Variants in GH1 observed in about 807,000 individuals in gnomAD.
GH1 encodes the protein growth hormone 1.
In GH1, 13 loss-of-function variants were observed where a neutral mutation model predicts 24.5. That is an observed-to-expected ratio of 0.53 (90% CI 0.35 to 0.85). GH1 has a LOEUF of 0.85. GH1 is among the 40% of genes least tolerant of loss of function. The probability of loss-of-function intolerance (pLI) is 0.01; values close to 1 mark genes in which losing one functional copy is unlikely to be tolerated. For synonymous variants in GH1, 126 were observed against 116.3 expected (o/e 1.08, Z -0.54); for missense variants, 294 against 273.2 (o/e 1.08, Z -0.54).
chr17:63,918,462 G>A lies in GH1; in HGVS notation c.55C>T (p.Pro19Ser), dbSNP rs376449159. 1.6e-4 allele frequency: 252 copies of A among 1,614,184 alleles called. No individual in the cohort carries two copies. The highest frequency in any genetic ancestry group is 3.3e-4 in the Middle Eastern group (2 of 6,062). ...LLLAFGLLCL[P>S]WLQEGSAFPT... Reference sequence around the variant, plus strand: ...AAGGCACTGCCCTCTTGAAGCCAGGGCAGGCAGAGCAGGCCAAAAGCCAGG... The same window carrying A: ...AAGGCACTGCCCTCTTGAAGCCAGGACAGGCAGAGCAGGCCAAAAGCCAGG... Residue 19 changes from proline to serine, a missense_variant, in exon 2 of 5, where the codon CCC (proline) becomes TCC (serine). Physicochemically the swap from Pro to Ser is moderately conservative, Grantham distance 74. Coordinates refer to ENST00000323322, the MANE Select transcript of GH1 (RefSeq NM_000515.5).
rs71640281 is a variant in GH1, at chr17:63,917,574, T to C, written c.457-68A>G. ...ACTGTTCCCTCCCTTTCTCATTCAT[T>C]CATTTTCCTCCCTCCCCTTCAGGGT... On this transcript the variant is annotated intron_variant, in intron 4 of 4. Transcript: ENST00000323322. 2,971 of 1,613,902 alleles carry C rather than the reference T, an allele frequency of 1.8e-3. 6 individuals are homozygous for C. Among genetic ancestry groups the C allele is most frequent in the African/African-American group, 8.4e-3 (631 of 75,014 alleles).
rs748188371 is a variant in GH1 at position 63,917,847 on chromosome 17, G to T, written c.369C>A (p.Phe123Leu). Residue 123 changes from phenylalanine to leucine, a missense_variant, in exon 4 of 5, where the codon TTC (phenylalanine) becomes TTA (leucine). Phe to Leu is a conservative substitution (Grantham distance 22). Coordinates refer to ENST00000323322, the MANE Select transcript of GH1 (RefSeq NM_000515.5). ...LEPVQFLRSV[F>L]ANSLVYGASD... ...AGGCGCCGTACACCAGGCTGTTGGC[G>T]AAGACACTCCTGAGGAACTGCACGG... is the stretch of plus-strand genomic sequence containing the variant. 1.2e-6 allele frequency: 2 copies of T among 1,614,066 alleles called. No homozygotes were observed. The highest frequency in any genetic ancestry group is 1.7e-6 in the Non-Finnish European group (2 of 1,180,038).
Position 63,917,871 on chromosome 17 carries a change from G to A in GH1, c.345C>T (p.Pro115=), listed in dbSNP as rs144610881. 4.3e-5 allele frequency: 69 copies of A among 1,614,178 alleles called. 1 individual carries two copies. The highest frequency in any genetic ancestry group is 1.5e-4 in the African/African-American group (11 of 75,038). The change falls in exon 4 of 5, where the codon CCC becomes CCT. Residue 115 remains proline, a synonymous_variant. Transcript: ENST00000323322. The part of the protein sequence containing the change: ...SLLLIQSWLE[P]VQFLRSVFAN... ...CGAAGACACTCCTGAGGAACTGCACGGGCTCCAGCCACGACTGGATGAGCA... is the reference window on the plus strand; with the variant it reads ...CGAAGACACTCCTGAGGAACTGCACAGGCTCCAGCCACGACTGGATGAGCA...
In GH1 at chr17:63,917,315, G is replaced by A. The variant is rs777326685; in HGVS notation, c.648C>T (p.Gly216=). Reference sequence around the variant, plus strand: ...AGGGATGCCACCCGGGCAGCTAGAAGCCACAGCTGCCCTCCACAGAGCGGC... The same window carrying A: ...AGGGATGCCACCCGGGCAGCTAGAAACCACAGCTGCCCTCCACAGAGCGGC... ...VQCRSVEGSC[G]F is the part of the protein sequence containing the mutation. The change falls in exon 5 of 5, where the codon GGC becomes GGT. Residue 216 remains glycine (G), a synonymous_variant. Transcript: ENST00000323322. 2.3e-5 allele frequency: 37 copies of A among 1,613,960 alleles called. No individual in the cohort carries two copies. The highest frequency in any genetic ancestry group is 3.0e-5 in the Non-Finnish European group (35 of 1,179,950).
rs695 is a variant in GH1, at chr17:63,918,839, T to A, written c.-63A>T. 157,422 of 1,609,998 alleles carry A rather than the reference T, an allele frequency of 0.098. 8,410 individuals carry two copies. The highest frequency in any genetic ancestry group is 0.13 in the African/African-American group (9,626 of 73,612). On this transcript the variant is annotated 5_prime_UTR_variant, in exon 1 of 5. Coordinates refer to ENST00000323322, the MANE Select transcript of GH1 (RefSeq NM_000515.5). Reference sequence around the variant, plus strand: ...TCGGGGAGTTGGGCCTTGGGATCCTTGAGCTGGTCTCTTGTGGGCCCTTTT... The same window carrying A: ...TCGGGGAGTTGGGCCTTGGGATCCTAGAGCTGGTCTCTTGTGGGCCCTTTT...
At position 63,918,237 on chromosome 17, in the gene GH1, C is replaced by T. The variant is rs116335275; in HGVS notation, c.172-101G>A. 711 of 1,612,038 alleles carry T rather than the reference C, an allele frequency of 4.4e-4. 4 individuals are homozygous for T. The African/African-American group carries it at 7.3e-3, about 17-fold the overall frequency. ...GCGTGTGCTCATCTGCCTGCATTTTCGCTTCGGGAAAAACCCTGAGCTCCT... is the reference window on the plus strand; with the variant it reads ...GCGTGTGCTCATCTGCCTGCATTTTTGCTTCGGGAAAAACCCTGAGCTCCT... On this transcript the variant is annotated intron_variant, in intron 2 of 4. Transcript: ENST00000323322.
rs770439032 is a variant in GH1 at position 63,917,378 on chromosome 17, G to C, written c.585C>G (p.Asp195Glu). ...NYGLLYCFRK[D>E]MDKVETFLRI... ...GCAGGAATGTCTCGACCTTGTCCAT[G>C]TCCTTCCTGAAGCAGTAGAGCAGCC... Residue 195 changes from aspartate (D) to glutamate (E), a missense_variant, in exon 5 of 5, where the codon GAC (aspartate) becomes GAG (glutamate). Asp to Glu is a conservative substitution (Grantham distance 45, BLOSUM62 2). Transcript: ENST00000323322. 1.2e-6 allele frequency: 2 copies of C among 1,613,982 alleles called. No individual in the cohort carries two copies. Among genetic ancestry groups the C allele is most frequent in the South Asian group, 1.1e-5 (1 of 91,070 alleles).
chr17:63,918,264 A>G, intron 2 of GH1, 82 bp downstream of exon 2: 1 of 1,609,670 alleles, frequency 6.2e-7, no homozygotes, highest in South Asian at 1.1e-5. Context: ...TGAGCTCCTT[A>G]GTCTCCTCCT....
At chr17:63,918,250 A>G (rs1907490753) in intron 2 of GH1, 96 bp downstream of exon 2, 10 of 1,610,332 alleles carry the variant, frequency 6.2e-6, no homozygotes, top group Non-Finnish European at 8.5e-6. Flanking sequence ...TTCGGGAAAA[A>G]CCCTGAGCTC....
intron 2 of GH1, 77 bp from the exon 3 acceptor site, chr17:63,918,213 C>A: frequency 1.2e-6 from 2 of 1,612,882 alleles, no homozygotes; most frequent in Non-Finnish European, 1.7e-6. Context: ...CCTCACTCAG[C>A]GTGTGCTCAT....
At position 63,917,828 on chromosome 17, in the gene GH1, C is replaced by G. The variant is rs201524858; in HGVS notation, c.388G>C (p.Gly130Arg). 2.5e-6 allele frequency: 4 copies of G among 1,614,036 alleles called. No homozygotes were observed. Among genetic ancestry groups the G allele is most frequent in the African/African-American group, 2.7e-5 (2 of 74,904 alleles). ...RSVFANSLVY[G>R]ASDSNVYDLL... ...TCATAGACGTTGCTGTCAGAGGCGC[C>G]GTACACCAGGCTGTTGGCGAAGACA... Residue 130 changes from glycine (G) to arginine (R), a missense_variant, in exon 4 of 5, where the codon GGC becomes CGC. Physicochemically the swap from Gly to Arg is moderately radical, Grantham distance 125. Coordinates refer to ENST00000323322, the MANE Select transcript of GH1 (RefSeq NM_000515.5).
At chr17:63,918,661 C>T (rs1342270095) in intron 1 of GH1, 106 bp downstream of exon 1, 4 of 1,610,852 alleles carry the variant, frequency 2.5e-6, no homozygotes, top group East Asian at 2.2e-5. Context: ...GCGATACTCA[C>T]ATTCAGAAGC....
In GH1 at chr17:63,918,088, G is replaced by A; in HGVS notation, c.220C>T (p.Pro74Ser). Residue 74 changes from proline (P) to serine (S), a missense_variant, in exon 3 of 5, where the codon CCC becomes TCC. Pro to Ser is a moderately conservative substitution (Grantham distance 74). Coordinates refer to ENST00000323322, the MANE Select transcript of GH1 (RefSeq NM_000515.5). ...TCTGAGAAACAGAGGGAGGTCTGGG[G>A]GTTCTGCAGGAATGAATACTTCTGT... is the stretch of plus-strand genomic sequence containing the variant. The part of the protein sequence containing the change: ...KEQKYSFLQN[P>S]QTSLCFSESI... 2 of 1,614,160 alleles carry A rather than the reference G, an allele frequency of 1.2e-6. No individual in the cohort carries two copies. Among genetic ancestry groups the A allele is most frequent in the Non-Finnish European group, 8.5e-7 (1 of 1,180,008 alleles).
intron 1 of GH1, 102 bp downstream of exon 1, chr17:63,918,665 C>A: frequency 6.2e-7 from 1 of 1,611,232 alleles, no homozygotes. Flanking sequence ...TACTCACATT[C>A]AGAAGCCCCA....
chr17:63,918,329 A>G lies in GH1; in HGVS notation c.171+17T>C, dbSNP rs767690676. On this transcript the variant is annotated intron_variant, in intron 2 of 4. Coordinates refer to ENST00000323322, the MANE Select transcript of GH1 (RefSeq NM_000515.5). ...TTCCTGCCACCCCTGATGCGCACCC[A>G]TTCCCCAAGAGCTTACAAACTCCTG... 7 of 1,613,922 alleles carry G rather than the reference A, an allele frequency of 4.3e-6. No homozygotes were observed. In the South Asian group the frequency reaches 5.5e-5, roughly 13 times the overall value.
rs1323974941 is a variant in GH1 at position 63,918,605 on chromosome 17, AG to A, written c.11-100del. The A allele has an allele frequency of 6.8e-6, 11 of 1,609,994 alleles. No individual in the cohort carries two copies. The African/African-American group carries it at 9.3e-5, about 14-fold the overall frequency. The stretch of plus-strand genomic sequence containing the variant: ...TTTGTTTTTCTCTCTCCATCCCTCC[AG>A]GGACCAGGAGCTTTCTGAGATTGGC... On this transcript the variant is annotated intron_variant, in intron 1 of 4. Coordinates refer to ENST00000323322, the MANE Select transcript of GH1 (RefSeq NM_000515.5).
chr17:63,918,744 A>G, intron 1 of GH1, 23 bp downstream of exon 1: 1 of 1,613,878 alleles, frequency 6.2e-7, no homozygotes, highest in South Asian at 1.1e-5. Flanking sequence ...CATTGTGCCC[A>G]AAGGGATTTT....
intron 1 of GH1, 71 bp downstream of exon 1, chr17:63,918,696 C>T (rs61762495): frequency 9.9e-6 from 16 of 1,612,538 alleles, no homozygotes; most frequent in African/African-American, 9.3e-5. Flanking sequence ...TTAGTGCCCC[C>T]GTCCCATCTA....
chr17:63,918,675 A>T, intron 1 of GH1, 92 bp downstream of exon 1: 1 of 1,611,856 alleles, frequency 6.2e-7, no homozygotes, highest in Non-Finnish European at 8.5e-7. Flanking sequence ...CAGAAGCCCC[A>T]AACCTGAGGG....
Sources: gnomAD v4.1 joint callset for allele counts on GRCh38, gnomAD v4.1.1 for gene constraint, MANE v1.5 for transcripts, NCBI Gene and HGNC (gene_info 2026-07-23, HGNC 2026-07-21) for gene names.